Variants in MED23 observed in about 807,000 individuals in gnomAD.
MED23 encodes mediator complex subunit 23, also known as mediator of RNA polymerase II transcription subunit 23.
In MED23, 105 loss-of-function variants were observed where a neutral mutation model predicts 163.9. The ratio of observed to expected loss-of-function variants is 0.64; its 90% CI spans 0.55 to 0.75. The LOEUF (loss-of-function observed/expected upper bound fraction) is 0.75. MED23 is among the 30% of genes least tolerant of loss of function. The pLI, the probability that MED23 is intolerant of heterozygous loss-of-function variation, is 0.00. For missense variants in MED23, 1,054 were observed against 1,649.0 expected, an observed-to-expected ratio of 0.64 and a Z score of 6.25; for synonymous variants, 561 against 565.6, an observed-to-expected ratio of 0.99 and a Z score of 0.12.
intron 30 of MED23, among the ~76,000 whole-genome samples, chr6:131,576,256 A>T (rs1773607357): frequency 6.6e-6 from 1 of 152,222 alleles, no homozygotes; most frequent in Admixed American, 6.5e-5. Context: ...CTATCAGCTT[A>T]TGAGGGACTC....
At chr6:131,622,544 C>A (rs1777186346) in intron 5 of MED23, among the ~76,000 whole-genome samples, 1 of 152,054 alleles carries the variant, frequency 6.6e-6, no homozygotes, top group South Asian at 2.1e-4. Context: ...AAATTTCATT[C>A]AACATTTATT....
intron 10 of MED23, among the ~76,000 whole-genome samples, chr6:131,615,503 CAAAAAAAAAAAAAAAAAA>C (rs917020235): frequency 7.8e-4 from 11 of 14,160 alleles, no homozygotes; most frequent in East Asian, 7.7e-3. Flanking sequence ...AAACACACAC[CAAAAAAAAAAAAAAAAAA>C]AAAAAAAAAA....
At chr6:131,604,972 A>G (rs1775749128) in intron 14 of MED23, among the ~76,000 whole-genome samples, 1 of 152,148 alleles carries the variant, frequency 6.6e-6, no homozygotes, top group South Asian at 2.1e-4. Context: ...ATTCTTAACT[A>G]TCTATAAAAA....
At chr6:131,615,641 G>A in intron 10 of MED23, 1 of 566,960 alleles carries the variant, frequency 1.8e-6, no homozygotes, top group Non-Finnish European at 3.1e-6. Context: ...GGTTTCTCTG[G>A]CAAAAGGTAT....
chr6:131,591,148 T>A (rs965478969), intron 26 of MED23, among the ~76,000 whole-genome samples, 165 bp downstream of exon 26: 4 of 150,396 alleles, frequency 2.7e-5, no homozygotes, highest in Admixed American at 2.0e-4. Flanking sequence ...CCCAGCTAAT[T>A]TTTGTATTTT....
At chr6:131,587,959 T>C (rs1342792213) in intron 28 of MED23, 113 bp from the exon 29 acceptor site, 1 of 875,620 alleles carries the variant, frequency 1.1e-6, no homozygotes, top group Non-Finnish European at 1.8e-6. Context: ...TGTCGTGGGG[T>C]AGATGAGAAG....
intron 30 of MED23, among the ~76,000 whole-genome samples, chr6:131,577,432 A>C (rs1439038043): frequency 6.6e-6 from 1 of 152,188 alleles, no homozygotes; most frequent in Non-Finnish European, 1.5e-5. Context: ...ATTCAAGTAC[A>C]AGTCTTTGTG....
intron 26 of MED23, among the ~76,000 whole-genome samples, chr6:131,590,868 C>T (rs918298272): frequency 2.0e-5 from 3 of 152,122 alleles, no homozygotes; most frequent in African/African-American, 4.8e-5. Flanking sequence ...CCACCCATCT[C>T]GGCCTCCCAA....
chr6:131,596,224 G>T, intron 21 of MED23, 61 bp from the exon 22 acceptor site: 2 of 1,423,928 alleles, frequency 1.4e-6, no homozygotes, highest in Non-Finnish European at 2.0e-6. Context: ...TCTTAAAAGA[G>T]CTAAATGTGA....
At chr6:131,579,444 T>C (rs1562357170) in intron 30 of MED23, 2 of 721,350 alleles carry the variant, frequency 2.8e-6, no homozygotes, top group Non-Finnish European at 4.4e-6. Context: ...ACTTTTATTA[T>C]AGAAACAGAC....
At chr6:131,626,406 T>C (rs1034690707) in intron 3 of MED23, among the ~76,000 whole-genome samples, 2 of 151,794 alleles carry the variant, frequency 1.3e-5, no homozygotes, top group Non-Finnish European at 2.9e-5. Flanking sequence ...AATATTATGC[T>C]GCTATTTAAA....
intron 30 of MED23, among the ~76,000 whole-genome samples, chr6:131,574,450 C>T (rs1356381295): frequency 6.6e-6 from 1 of 152,170 alleles, no homozygotes; most frequent in Non-Finnish European, 1.5e-5. Context: ...TTAAAATCCA[C>T]ACTGTTCTCA....
In MED23 at chr6:131,602,335, C is replaced by G. The variant is rs890487381; in HGVS notation, c.1978G>C (p.Glu660Gln). The change falls in exon 17 of 29, where the codon GAG becomes CAG. Residue 660 changes from glutamate to glutamine, a missense_variant. Physicochemically the swap from Glu to Gln is conservative, Grantham distance 29 (BLOSUM62 2). Coordinates refer to ENST00000368068, the MANE Select transcript of MED23 (RefSeq NM_004830.4). ...LRLITALGSS[E>Q]VQPQFTRFLS... ...AAGCGTGTAAACTGCGGTTGTACCT[C>G]TGAGCTACCTAATGCTGTTATAAGC... The G allele has an allele frequency of 6.2e-7, 1 of 1,613,826 alleles. No homozygotes were observed. Among genetic ancestry groups the G allele is most frequent in the African/African-American group, 1.3e-5 (1 of 75,008 alleles).
In MED23 at chr6:131,598,240, T is replaced by C. The variant is rs1327970221; in HGVS notation, c.2607+47A>G. ...AGATTGGCATAACATATATTAGTCA[T>C]ACATCTTGATCTAAGAGAATAAGCT... On this transcript the variant is annotated intron_variant, in intron 20 of 28. Transcript: ENST00000368068. This position sits in a 1 kb window ranked among gnomAD's most constrained non-coding sequence, Gnocchi z 4.7. 1.3e-6 allele frequency: 2 copies of C among 1,549,802 alleles called. No homozygotes were observed. The highest frequency in any genetic ancestry group is 1.4e-5 in the African/African-American group (1 of 73,728).
chr6:131,581,840 G>A (rs552059873), downstream of MED23, among the ~76,000 whole-genome samples: 2 of 152,140 alleles, frequency 1.3e-5, no homozygotes, highest in South Asian at 2.1e-4. Context: ...CAGATATAAT[G>A]GTTTATGAAC....
chr6:131,583,245 T>C, downstream of MED23: 1 of 1,598,950 alleles, frequency 6.3e-7, no homozygotes, highest in Non-Finnish European at 8.6e-7. Flanking sequence ...AATAAAGTCT[T>C]TACATGAAAT....
chr6:131,590,099 T>A (rs747810407), intron 27 of MED23, among the ~76,000 whole-genome samples: 5 of 152,180 alleles, frequency 3.3e-5, no homozygotes, highest in Non-Finnish European at 7.3e-5. Context: ...CTTAACCTCT[T>A]CTCAACCTTC....
Position 131,608,042 on chromosome 6 carries a change from TC to T in MED23, c.1106del (p.Arg369LysfsTer21). 6.2e-7 allele frequency: 1 copy of T among 1,613,900 alleles called. No homozygotes were observed. The highest frequency in any genetic ancestry group is 8.5e-7 in the Non-Finnish European group (1 of 1,179,898). On this transcript the variant is annotated frameshift_variant, in exon 12 of 29. Transcript: ENST00000368068. LOFTEE classifies it high-confidence loss of function. ...KLAGRGLIKG[R>X]DHLMWVLLQF... ...GCAGGAGAACCCACATAAGATGATC[TC>T]TGCCTTTAATCAGTCCTCGCCCTGC...
At chr6:131,615,065 C>T (rs1295917063) in intron 10 of MED23, among the ~76,000 whole-genome samples, 2 of 20,634 alleles carry the variant, frequency 9.7e-5, no homozygotes, top group Admixed American at 1.1e-3. Flanking sequence ...CTCTTTGTTA[C>T]CAAAAAAAAA....
Sources: gnomAD v4.1 joint callset for allele counts (sites outside exome capture counted in the v4.1 genomes callset) on GRCh38, gnomAD v4.1.1 for gene constraint, Gnocchi (gnomAD v3.1) non-coding constraint, MANE v1.5 for transcripts, NCBI Gene and HGNC (gene_info 2026-07-23, HGNC 2026-07-21) for gene names.